DOCK2: variants seen among roughly 807,000 people sequenced by gnomAD.
The protein encoded by DOCK2 is dedicator of cytokinesis 2.
A neutral mutation model predicts 248.9 loss-of-function variants in DOCK2; 87 were observed. That is an observed-to-expected ratio of 0.35 (90% CI 0.29 to 0.42). The LOEUF is 0.42. Ranked by LOEUF, DOCK2 falls within the 10% of genes least tolerant of loss-of-function variation. DOCK2 has a pLI of 1.00. For synonymous variants in DOCK2, 805 were observed against 821.6 expected (o/e 0.98, Z 0.35); for missense variants, 1,747 against 2,300.2 (o/e 0.76, Z 4.92).
chr5:169,712,109 G>C lies in DOCK2; in HGVS notation c.1556-11G>C. 6.2e-7 allele frequency: 1 copy of C among 1,613,994 alleles called. No individual in the cohort carries two copies. Among genetic ancestry groups the C allele is most frequent in the Non-Finnish European group, 8.5e-7 (1 of 1,179,908 alleles). ...TCATTTTCTTTCCTGACCCCACAATGCTATTTCCAGCTAAAGATAAAGGAG... is the reference window on the plus strand; with the variant it reads ...TCATTTTCTTTCCTGACCCCACAATCCTATTTCCAGCTAAAGATAAAGGAG... On this transcript the variant is annotated splice_polypyrimidine_tract_variant and intron_variant, in intron 16 of 51. Transcript: ENST00000520908.
At position 169,985,807 on chromosome 5, in the gene DOCK2, T is replaced by C. The variant is rs773173778; in HGVS notation, c.2899-21T>C. 5 of 1,592,712 alleles carry C rather than the reference T, an allele frequency of 3.1e-6. No homozygotes were observed. In the South Asian group the frequency reaches 5.7e-5, roughly 18 times the overall value. ...TTCCTGTAAAACAGGATGACATGTG[T>C]GCTGTGCTTCATTGTTTCAGGACTT... On this transcript the variant is annotated intron_variant, in intron 28 of 51. Coordinates refer to ENST00000520908, the MANE Select transcript of DOCK2 (RefSeq NM_004946.3).
At chr5:170,081,528 T>G in intron 50 of DOCK2, 1 of 303,102 alleles carries the variant, frequency 3.3e-6, no homozygotes, top group Non-Finnish European at 6.1e-6. Flanking sequence ...GGAGGAAGAG[T>G]AAGCTCACAC....
At chr5:170,076,771 C>A (rs1279595466) in intron 47 of DOCK2, among the ~76,000 whole-genome samples, 1 of 152,176 alleles carries the variant, frequency 6.6e-6, no homozygotes, top group East Asian at 1.9e-4. Context: ...CCTACAGATG[C>A]ACTCAGGTCT....
intron 30 of DOCK2, among the ~76,000 whole-genome samples, chr5:170,006,240 A>G (rs1755030442): frequency 1.3e-5 from 2 of 152,214 alleles, no homozygotes; most frequent in African/African-American, 2.4e-5. Flanking sequence ...TGCTACGGAA[A>G]CAAGGAGATT....
intron 27 of DOCK2, among the ~76,000 whole-genome samples, chr5:169,908,713 C>CTTTTTTTTTTTTTTTTTTTTTTTT (rs34261104): frequency 9.5e-6 from 1 of 105,074 alleles, no homozygotes; most frequent in Non-Finnish European, 1.9e-5. Flanking sequence ...TTTCTTTTTT[C>CTTTTTTTTTTTTTTTTTTTTTTTT]TTTTTTTTTT....
chr5:169,652,861 C>T (rs1431188212), intron 1 of DOCK2, among the ~76,000 whole-genome samples: 1 of 152,140 alleles, frequency 6.6e-6, no homozygotes, highest in East Asian at 1.9e-4. Flanking sequence ...GGCATTTCAC[C>T]CAGCTTCTGC....
intron 27 of DOCK2, chr5:169,980,474 C>G (rs963178255): frequency 6.6e-6 from 1 of 152,042 alleles, no homozygotes; most frequent in Non-Finnish European, 1.5e-5. Context: ...TGCTCGGCAG[C>G]TACCATGTGA....
rs1759826028 is a variant in DOCK2, at chr5:169,684,218, C to T, written c.629C>T (p.Ala210Val). 2 of 1,614,122 alleles carry T rather than the reference C, an allele frequency of 1.2e-6. No homozygotes were observed. Among genetic ancestry groups the T allele is most frequent in the Non-Finnish European group, 1.7e-6 (2 of 1,179,992 alleles). Reference protein sequence around the residue: ...EEMSKDQPDYAMYSRISSSPT... With the variant: ...EEMSKDQPDYVMYSRISSSPT... ...CAGTCAAAAGACCAGCCAGATTATG[C>T]AATGTATTCCCGGATCTCCTCATCC... The change falls in exon 8 of 52, where the codon GCA becomes GTA. Residue 210 changes from alanine (A) to valine (V), a missense_variant. Coordinates refer to ENST00000520908, the MANE Select transcript of DOCK2 (RefSeq NM_004946.3).
Position 169,745,385 on chromosome 5 carries a change from G to A in DOCK2, c.2268-2011G>A, listed in dbSNP as rs374424155. 5.3e-5 allele frequency among the ~76,000 whole-genome samples: 8 copies of A among 152,300 alleles called. No individual in the cohort carries two copies. In the South Asian group the frequency reaches 1.2e-3, roughly 24 times the overall value. On this transcript the variant is annotated intron_variant, in intron 22 of 51. Transcript: ENST00000520908. The stretch of plus-strand genomic sequence containing the variant: ...TACTCTTCCAACTGACAACAGTACG[G>A]CAGGCGCTAACATCTGCTGGGGCCA...
intron 27 of DOCK2, among the ~76,000 whole-genome samples, chr5:169,966,777 G>T (rs1487397968): frequency 6.6e-6 from 1 of 152,150 alleles, no homozygotes; most frequent in Admixed American, 6.5e-5. Context: ...GAATGGCCAG[G>T]ACTCCATGAG....
At chr5:169,883,745 C>A (rs755997480) in intron 27 of DOCK2, 1 of 1,551,620 alleles carries the variant, frequency 6.4e-7, no homozygotes, top group Non-Finnish European at 8.7e-7. Flanking sequence ...TCAACCTCAG[C>A]TAGGCCAGTT....
At chr5:169,944,195 G>A (rs1209673599) in intron 27 of DOCK2, among the ~76,000 whole-genome samples, 2 of 152,162 alleles carry the variant, frequency 1.3e-5, no homozygotes, top group Non-Finnish European at 2.9e-5. Context: ...CCCTGCCTTT[G>A]AGTGCCCTGG....
chr5:170,007,112 A>G (rs1396075041), intron 30 of DOCK2, among the ~76,000 whole-genome samples: 1 of 152,254 alleles, frequency 6.6e-6, no homozygotes, highest in African/African-American at 2.4e-5. Context: ...CTGGGCAGCA[A>G]TGATGATGTT....
chr5:169,751,425 G>A (rs1350143844), intron 23 of DOCK2, among the ~76,000 whole-genome samples: 1 of 152,174 alleles, frequency 6.6e-6, no homozygotes, highest in African/African-American at 2.4e-5. Flanking sequence ...GCCTGCATGG[G>A]GTGTGAGCTA....
At chr5:169,755,520 A>C (rs766876357) in intron 23 of DOCK2, among the ~76,000 whole-genome samples, 4 of 152,102 alleles carry the variant, frequency 2.6e-5, no homozygotes, top group Non-Finnish European at 4.4e-5. Context: ...AGGCGGGTGG[A>C]TCACCTGAGG....
chr5:169,935,352 C>T (rs1350806191), intron 27 of DOCK2, among the ~76,000 whole-genome samples: 1 of 151,936 alleles, frequency 6.6e-6, no homozygotes, highest in East Asian at 1.9e-4. Context: ...CTCACTTGCG[C>T]CCTTCTGCTC....
At chr5:169,835,230 G>T (rs528249312) in intron 26 of DOCK2, among the ~76,000 whole-genome samples, 8 of 151,514 alleles carry the variant, frequency 5.3e-5, no homozygotes, top group Middle Eastern at 3.5e-3. Context: ...GTGCCTCATG[G>T]GACAGTGGGA....
chr5:169,849,550 TA>T (rs1334289682), intron 27 of DOCK2, among the ~76,000 whole-genome samples: 1 of 152,216 alleles, frequency 6.6e-6, no homozygotes, highest in Non-Finnish European at 1.5e-5. Context: ...TTCAGAAACA[TA>T]AAATGGCACA....
At chr5:169,934,808 T>C (rs1439227348) in intron 27 of DOCK2, 4 of 438,494 alleles carry the variant, frequency 9.1e-6, no homozygotes, top group African/African-American at 2.0e-5. Flanking sequence ...ATTATCTGTA[T>C]GATAAATTGA....
Sources: gnomAD v4.1 joint callset for allele counts (sites outside exome capture counted in the v4.1 genomes callset) on GRCh38, gnomAD v4.1.1 for gene constraint, MANE v1.5 for transcripts, NCBI Gene and HGNC (gene_info 2026-07-23, HGNC 2026-07-21) for gene names.